The following DNAH9 variants were observed in gnomAD, a reference collection of about 807,000 sequenced individuals.
DNAH9 encodes the protein dynein axonemal heavy chain 9.
DNAH9 carries 345 observed loss-of-function variants against 471.6 expected under a neutral mutation model. That is an observed-to-expected ratio of 0.73 (90% CI 0.67 to 0.80). The LOEUF is 0.80. DNAH9 is among the 30% of genes least tolerant of loss of function. The probability of loss-of-function intolerance (pLI) is 0.00; values close to 1 mark genes in which losing one functional copy is unlikely to be tolerated. For missense variants in DNAH9, 5,407 were observed against 5,609.2 expected, an observed-to-expected ratio of 0.96 and a Z score of 1.15; for synonymous variants, 2,093 against 2,123.6, an observed-to-expected ratio of 0.99 and a Z score of 0.40.
intron 59 of DNAH9, among the ~76,000 whole-genome samples, chr17:11,899,098 C>G (rs1482449839): frequency 6.6e-6 from 1 of 151,918 alleles, no homozygotes. Context: ...TTGCCAAAGC[C>G]TTTGATGAAT....
chr17:11,925,346 C>G (rs1974286536), intron 62 of DNAH9: 1 of 335,950 alleles, frequency 3.0e-6, no homozygotes, highest in Non-Finnish European at 5.9e-6. Flanking sequence ...CTCCTGATTA[C>G]TGGTGACATC....
At chr17:11,821,472 T>C (rs1970306991) in intron 45 of DNAH9, among the ~76,000 whole-genome samples, 1 of 152,154 alleles carries the variant, frequency 6.6e-6, no homozygotes, top group Non-Finnish European at 1.5e-5. Context: ...CAGTGATAGC[T>C]TGCTCTTTTT....
chr17:11,958,448 C>T (rs1292407892), intron 67 of DNAH9, among the ~76,000 whole-genome samples: 2 of 152,084 alleles, frequency 1.3e-5, no homozygotes, highest in South Asian at 2.1e-4. Context: ...ATGGTGGATA[C>T]GTGGCATTAA....
intron 49 of DNAH9, among the ~76,000 whole-genome samples, chr17:11,837,678 C>G (rs182561535): frequency 2.6e-4 from 39 of 152,312 alleles, no homozygotes; most frequent in Middle Eastern, 3.4e-3. Flanking sequence ...ACCATGTCAT[C>G]TCTGTGTTCA....
intron 68 of DNAH9, among the ~76,000 whole-genome samples, chr17:11,963,832 CA>C (rs926217692): frequency 6.6e-6 from 1 of 151,854 alleles, no homozygotes; most frequent in East Asian, 1.9e-4. Flanking sequence ...CAAATTACCT[CA>C]AAAAAACAAA....
At chr17:11,687,045 C>T (rs180714673) in intron 19 of DNAH9, among the ~76,000 whole-genome samples, 19 of 152,186 alleles carry the variant, frequency 1.2e-4, no homozygotes, top group African/African-American at 4.6e-4. Flanking sequence ...TTGCTGGGCC[C>T]CTTGCCATGA....
At chr17:11,699,331 T>G (rs76678983) in intron 22 of DNAH9, among the ~76,000 whole-genome samples, 1,671 of 152,324 alleles carry the variant, frequency 0.011, 35 homozygotes, top group African/African-American at 0.038. Context: ...AGATTCAATG[T>G]ATGTTAGCAT....
At chr17:11,649,127 C>CAA (rs34813249) in intron 12 of DNAH9, among the ~76,000 whole-genome samples, 1 of 124,778 alleles carries the variant, frequency 8.0e-6, no homozygotes, top group Admixed American at 8.4e-5. Flanking sequence ...AACTCCATCT[C>CAA]AAAAAAAAAA....
chr17:11,850,885 C>G (rs969853281), intron 49 of DNAH9, among the ~76,000 whole-genome samples: 4 of 152,128 alleles, frequency 2.6e-5, no homozygotes, highest in African/African-American at 9.7e-5. Context: ...TTCTTCTGTT[C>G]TGGACACTGG....
intron 4 of DNAH9, among the ~76,000 whole-genome samples, chr17:11,614,749 A>ACT (rs2072707508): frequency 6.8e-6 from 1 of 147,530 alleles, no homozygotes; most frequent in African/African-American, 2.5e-5. Context: ...GAGGAGAGGA[A>ACT]CTCTGTGTCC....
At chr17:11,886,088 T>C (rs1376021025) in intron 56 of DNAH9, among the ~76,000 whole-genome samples, 1 of 152,198 alleles carries the variant, frequency 6.6e-6, no homozygotes, top group African/African-American at 2.4e-5. Context: ...TTTGGGAGGC[T>C]GAGGCAGGTG....
At chr17:11,706,442 A>T (rs904458829) in intron 26 of DNAH9, among the ~76,000 whole-genome samples, 6 of 152,208 alleles carry the variant, frequency 3.9e-5, no homozygotes, top group Non-Finnish European at 8.8e-5. Context: ...GAAATAAGAC[A>T]TATGTAGATA....
At chr17:11,919,419 C>T (rs887162978) in intron 61 of DNAH9, among the ~76,000 whole-genome samples, 2 of 143,014 alleles carry the variant, frequency 1.4e-5, no homozygotes, top group South Asian at 4.6e-4. Context: ...GGCATGAACC[C>T]GGGAGGTAGA....
intron 17 of DNAH9, 123 bp downstream of exon 17, chr17:11,669,917 T>C (rs2073947512): frequency 1.2e-6 from 1 of 856,416 alleles, no homozygotes. Context: ...AGACAGCTGG[T>C]TAGAGGTTCT....
intron 14 of DNAH9, among the ~76,000 whole-genome samples, chr17:11,655,913 TACACAC>T (rs951506128): frequency 2.1e-4 from 32 of 151,454 alleles, no homozygotes; most frequent in African/African-American, 7.3e-4. Flanking sequence ...CACACACACA[TACACAC>T]ACACATACAT....
intron 22 of DNAH9, 96 bp downstream of exon 22, chr17:11,694,543 G>T (rs1266018148): frequency 7.2e-7 from 1 of 1,394,592 alleles, no homozygotes; most frequent in Non-Finnish European, 1.0e-6. Context: ...CTTCTCTCTG[G>T]CAGGTTCTGT....
chr17:11,773,382 T>A (rs1968295023), intron 38 of DNAH9, among the ~76,000 whole-genome samples: 1 of 152,146 alleles, frequency 6.6e-6, no homozygotes, highest in Non-Finnish European at 1.5e-5. Context: ...TACTAAGCAA[T>A]GTTGGAAAGA....
At chr17:11,664,218 A>G (rs2073825999) in intron 14 of DNAH9, among the ~76,000 whole-genome samples, 1 of 151,828 alleles carries the variant, frequency 6.6e-6, no homozygotes, top group Non-Finnish European at 1.5e-5. Context: ...TGATGCTTGG[A>G]TGCCAATAGG....
At chr17:11,827,351 G>C (rs1015841221) in intron 48 of DNAH9, among the ~76,000 whole-genome samples, 1 of 152,170 alleles carries the variant, frequency 6.6e-6, no homozygotes, top group African/African-American at 2.4e-5. Flanking sequence ...GCATCTGCAT[G>C]GCTTCTGGGA....
Sources: gnomAD v4.1 joint callset for allele counts (sites outside exome capture counted in the v4.1 genomes callset) on GRCh38, gnomAD v4.1.1 for gene constraint, MANE v1.5 for transcripts, NCBI Gene and HGNC (gene_info 2026-07-23, HGNC 2026-07-21) for gene names.